Variants in GNAQ observed in about 807,000 individuals in gnomAD.
GNAQ encodes G protein subunit alpha q.
GNAQ carries 8 observed loss-of-function variants against 43.9 expected under a neutral mutation model. The observed-to-expected ratio is 0.18, with a 90% CI of 0.11 to 0.33. The LOEUF (loss-of-function observed/expected upper bound fraction) is 0.33, where lower values mean the gene tolerates loss of function less well. Ranked by LOEUF, GNAQ falls within the 10% of genes least tolerant of loss-of-function variation. The pLI is 1.00. For synonymous variants in GNAQ, 155 were observed against 170.7 expected (o/e 0.91, Z 0.71); for missense variants, 158 against 450.8 (o/e 0.35, Z 5.88).
chr9:77,762,601 C>T (rs1177788797), intron 5 of GNAQ, among the ~76,000 whole-genome samples: 1 of 150,512 alleles, frequency 6.6e-6, no homozygotes, highest in Non-Finnish European at 1.5e-5. Flanking sequence ...GAGGTGTGAC[C>T]AACAGCCCAT....
In GNAQ at chr9:77,716,494, C is replaced by T. The variant is rs895713018; in HGVS notation, c.*4829G>A. 1 of 232,748 alleles carries T rather than the reference C, an allele frequency of 4.3e-6. No homozygotes were observed. The highest frequency in any genetic ancestry group is 8.5e-6 in the Non-Finnish European group (1 of 117,806). The allele number at this position is 232,748 out of a possible 1,614,324, so 14.4% of individuals were successfully genotyped here. Reference sequence around the variant, plus strand: ...ACATAGGTCTAGTAAGGGTTTCCAACAGGATGATGGGTGAGGAATCCAGCA... The same window carrying T: ...ACATAGGTCTAGTAAGGGTTTCCAATAGGATGATGGGTGAGGAATCCAGCA... On this transcript the variant is annotated 3_prime_UTR_variant, in exon 7 of 7. Transcript: ENST00000286548.
At chr9:77,951,598 A>G (rs142586783) in intron 1 of GNAQ, among the ~76,000 whole-genome samples, 1 of 152,090 alleles carries the variant, frequency 6.6e-6, no homozygotes, top group Admixed American at 6.6e-5. Context: ...TAAATGGTCA[A>G]CCTCTTTTTG....
intron 5 of GNAQ, among the ~76,000 whole-genome samples, chr9:77,753,643 T>C (rs973907622): frequency 6.6e-6 from 1 of 152,180 alleles, no homozygotes; most frequent in East Asian, 1.9e-4. Flanking sequence ...AGAGGAAGTA[T>C]AGCATGATAA....
In GNAQ at chr9:78,031,510, G is replaced by A. The variant is rs1824060840; in HGVS notation, c.-275C>T. 1 of 163,402 alleles carries A rather than the reference G, an allele frequency of 6.1e-6. No individual in the cohort carries two copies. 10.1% of individuals were successfully genotyped at this position (163,402 alleles called of 1,614,324 possible). ...GGGCGCTGGCTCGGGGGGCGCGTGA[G>A]AGAAGGCCGCCGCGCCCGGCCTCGC... On this transcript the variant is annotated 5_prime_UTR_variant, in exon 1 of 7. Coordinates refer to ENST00000286548, the MANE Select transcript of GNAQ (RefSeq NM_002072.5).
chr9:77,794,914 G>C (rs1330082732), intron 4 of GNAQ, among the ~76,000 whole-genome samples: 1 of 152,062 alleles, frequency 6.6e-6, no homozygotes, highest in Non-Finnish European at 1.5e-5. Flanking sequence ...GTCCAAAACT[G>C]AATGAGTTTT....
At chr9:78,004,169 T>C (rs753592341) in intron 1 of GNAQ, among the ~76,000 whole-genome samples, 17 of 151,544 alleles carry the variant, frequency 1.1e-4, no homozygotes, top group Non-Finnish European at 2.1e-4. Context: ...GTGGCAGGAA[T>C]TGACAGCCCC....
rs143754043 is a variant in GNAQ at position 77,770,614 on chromosome 9, A to G, written c.735+23849T>C. On this transcript the variant is annotated intron_variant, in intron 5 of 6. Coordinates refer to ENST00000286548, the MANE Select transcript of GNAQ (RefSeq NM_002072.5). Reference sequence around the variant, plus strand: ...TGAAATTCCAACCTGTGAATCATTTAGTCAGATGGCTCGGACTGCCCTAAA... The same window carrying G: ...TGAAATTCCAACCTGTGAATCATTTGGTCAGATGGCTCGGACTGCCCTAAA... Among the ~76,000 whole-genome samples the G allele has an allele frequency of 1.5e-3, 221 of 152,348 alleles. 1 individual carries two copies. Among genetic ancestry groups the G allele is most frequent in the African/African-American group, 4.9e-3 (205 of 41,576 alleles).
At chr9:77,989,015 A>G (rs1366030112) in intron 1 of GNAQ, among the ~76,000 whole-genome samples, 5 of 152,244 alleles carry the variant, frequency 3.3e-5, no homozygotes, top group Admixed American at 1.3e-4. Context: ...CAGAGATTAC[A>G]TAAGAATTCC....
At chr9:77,833,107 C>T (rs1437329014) in intron 2 of GNAQ, among the ~76,000 whole-genome samples, 4 of 152,150 alleles carry the variant, frequency 2.6e-5, no homozygotes, top group African/African-American at 4.8e-5. Context: ...GTTGGGACTA[C>T]AGGCATGCAC....
chr9:77,760,981 G>A (rs1252051417), intron 5 of GNAQ, among the ~76,000 whole-genome samples: 11 of 149,516 alleles, frequency 7.4e-5, no homozygotes, highest in East Asian at 2.0e-4. Context: ...CAACCGCCCC[G>A]TCTGAGAAGT....
chr9:77,841,409 T>C (rs1402363508), intron 2 of GNAQ, among the ~76,000 whole-genome samples: 1 of 152,206 alleles, frequency 6.6e-6, no homozygotes, highest in Non-Finnish European at 1.5e-5. Context: ...TCAGTATATA[T>C]TTAAACCAGC....
At chr9:77,991,999 T>C (rs1188784333) in intron 1 of GNAQ, among the ~76,000 whole-genome samples, 1 of 152,234 alleles carries the variant, frequency 6.6e-6, no homozygotes, top group Non-Finnish European at 1.5e-5. Flanking sequence ...TCCATATTTT[T>C]GCAATTGCAA....
At chr9:77,811,329 A>G (rs1229717232) in intron 3 of GNAQ, among the ~76,000 whole-genome samples, 2 of 100,026 alleles carry the variant, frequency 2.0e-5, no homozygotes, top group African/African-American at 5.2e-5. Flanking sequence ...TATCTTTATA[A>G]AGATATATTA....
At chr9:77,845,459 C>T (rs1827569905) in intron 2 of GNAQ, among the ~76,000 whole-genome samples, 1 of 152,146 alleles carries the variant, frequency 6.6e-6, no homozygotes, top group Admixed American at 6.5e-5. Context: ...ATCTGCAGAA[C>T]ACATGAGAAA....
intron 2 of GNAQ, among the ~76,000 whole-genome samples, chr9:77,861,401 T>C (rs1827848499): frequency 6.6e-6 from 1 of 152,170 alleles, no homozygotes. Context: ...AAACCAATCA[T>C]GCCTTCCCAA....
intron 1 of GNAQ, among the ~76,000 whole-genome samples, chr9:77,933,771 G>C (rs951363144): frequency 6.6e-6 from 1 of 152,104 alleles, no homozygotes; most frequent in African/African-American, 2.4e-5. Flanking sequence ...TTTAAGCAGC[G>C]AGGACCCTTC....
chr9:77,779,300 C>T (rs1053257282), intron 5 of GNAQ, among the ~76,000 whole-genome samples: 1 of 151,852 alleles, frequency 6.6e-6, no homozygotes, highest in African/African-American at 2.4e-5. Context: ...GGAAATTAAA[C>T]AATACAGTTC....
At chr9:78,023,938 A>G (rs1007610001) in intron 1 of GNAQ, among the ~76,000 whole-genome samples, 1 of 151,806 alleles carries the variant, frequency 6.6e-6, no homozygotes, top group Non-Finnish European at 1.5e-5. Flanking sequence ...CATATTGTAT[A>G]TGTGTGTATA....
intron 3 of GNAQ, among the ~76,000 whole-genome samples, chr9:77,799,401 A>C (rs1198101593): frequency 6.6e-6 from 1 of 152,190 alleles, no homozygotes; most frequent in Non-Finnish European, 1.5e-5. Context: ...TGACCTACCC[A>C]GGGTAGGGAC....
Sources: allele counts gnomAD v4.1 joint callset (sites outside exome capture counted in the v4.1 genomes callset), GRCh38; gene constraint gnomAD v4.1.1; transcripts MANE v1.5; gene names NCBI Gene and HGNC (gene_info 2026-07-23, HGNC 2026-07-21).